Variants in ARFGEF1 observed in about 807,000 individuals in gnomAD.
The protein encoded by ARFGEF1 is brefeldin A-inhibited guanine nucleotide-exchange protein 1.
In ARFGEF1, 42 loss-of-function variants were observed where a neutral mutation model predicts 231.0. That is an observed-to-expected ratio of 0.18 (90% CI 0.14 to 0.24). The LOEUF (loss-of-function observed/expected upper bound fraction) is 0.24, where lower values mean the gene tolerates loss of function less well. Among genes scored for constraint, ARFGEF1 ranks in the 10% least tolerant of loss-of-function variants. ARFGEF1 has a pLI of 1.00. For missense variants in ARFGEF1, 1,345 were observed against 2,192.0 expected (o/e 0.61, Z 7.72); for synonymous variants, 710 against 732.3 (o/e 0.97, Z 0.49).
chr8:67,277,335 A>G lies in ARFGEF1; in HGVS notation c.1150T>C (p.Tyr384His). 6.2e-7 allele frequency: 1 copy of G among 1,613,720 alleles called. No homozygotes were observed. The highest frequency in any genetic ancestry group is 8.5e-7 in the Non-Finnish European group (1 of 1,179,790). ...GIPGTPISVA[Y>H]TPSLPDDRLS... is the part of the protein sequence containing the mutation. ...CTATCATCAGGTAAGGATGGTGTAT[A>G]TGCAACAGAAATTGGTGTTCCTGGA... is the stretch of plus-strand genomic sequence containing the variant. The change falls in exon 8 of 39, where the codon TAT becomes CAT. Residue 384 changes from tyrosine to histidine, a missense_variant. This residue lies in a region of ARFGEF1 where 398 missense variants were observed against 463.2 expected (regional missense o/e 0.86). Transcript: ENST00000262215.
chr8:67,184,956 A>G (rs1204822034), intron 5 of ARFGEF1, among the ~76,000 whole-genome samples: 3 of 124,574 alleles, frequency 2.4e-5, no homozygotes, highest in Admixed American at 7.8e-5. Context: ...AAAAAAAAAA[A>G]AAAAAAAAAA....
At chr8:67,219,895 C>T (rs889840846) in intron 29 of ARFGEF1, among the ~76,000 whole-genome samples, 5 of 152,084 alleles carry the variant, frequency 3.3e-5, no homozygotes, top group African/African-American at 1.2e-4. Context: ...AATTTTGTGG[C>T]ACTGTAGCCA....
intron 1 of ARFGEF1, among the ~76,000 whole-genome samples, chr8:67,311,360 T>C (rs1271347697): frequency 1.8e-4 from 18 of 100,296 alleles, no homozygotes; most frequent in East Asian, 3.5e-4. Flanking sequence ...CGGCCGCCCC[T>C]ACTGGGAAGT....
At chr8:67,184,972 T>C (rs1003697498) in intron 5 of ARFGEF1, among the ~76,000 whole-genome samples, 3 of 130,810 alleles carry the variant, frequency 2.3e-5, no homozygotes, top group Non-Finnish European at 3.3e-5. Context: ...AAAAAGGTGG[T>C]GGGCACCTAT....
intron 19 of ARFGEF1, among the ~76,000 whole-genome samples, chr8:67,248,566 C>A (rs1437555867): frequency 2.0e-5 from 3 of 150,460 alleles, no homozygotes; most frequent in African/African-American, 5.0e-5. Flanking sequence ...TTCTCTAGGA[C>A]ATTAAGCTGG....
chr8:67,189,600 G>A (rs143424101), intron 5 of ARFGEF1, among the ~76,000 whole-genome samples: 147 of 152,118 alleles, frequency 9.7e-4, no homozygotes, highest in African/African-American at 3.5e-3. Flanking sequence ...AACAATGATA[G>A]TGTTGTATAA....
intron 1 of ARFGEF1, among the ~76,000 whole-genome samples, chr8:67,330,291 A>T (rs937863281): frequency 1.3e-5 from 2 of 152,110 alleles, no homozygotes; most frequent in African/African-American, 4.8e-5. Flanking sequence ...ATACAAGTTT[A>T]AGAGAGTATA....
intron 1 of ARFGEF1, among the ~76,000 whole-genome samples, chr8:67,316,513 T>C (rs1587301350): frequency 6.6e-6 from 1 of 151,666 alleles, no homozygotes. Flanking sequence ...CAGGCTGGAG[T>C]GCAGTGGCGC....
intron 9 of ARFGEF1, 68 bp downstream of exon 9, chr8:67,275,908 C>G: frequency 6.3e-7 from 1 of 1,577,644 alleles, no homozygotes; most frequent in Non-Finnish European, 8.6e-7. Context: ...AAAATCCAAA[C>G]ATTACCTTAA....
intron 1 of ARFGEF1, among the ~76,000 whole-genome samples, chr8:67,319,158 T>C (rs531525684): frequency 6.6e-6 from 1 of 152,330 alleles, no homozygotes; most frequent in Admixed American, 6.5e-5. Context: ...TCCCCAAAAT[T>C]ATCTGCAGAT....
chr8:67,257,282 T>C (rs1215185924), intron 17 of ARFGEF1, among the ~76,000 whole-genome samples: 1 of 152,172 alleles, frequency 6.6e-6, no homozygotes, highest in African/African-American at 2.4e-5. Context: ...GGTTTCATCA[T>C]GTTGCCCAGG....
At chr8:67,225,619 C>T (rs1299328724) in intron 28 of ARFGEF1, among the ~76,000 whole-genome samples, 1 of 152,112 alleles carries the variant, frequency 6.6e-6, no homozygotes, top group Non-Finnish European at 1.5e-5. Flanking sequence ...TATTACACAG[C>T]ACAGACAGAC....
chr8:67,287,319 CCTGGTAAACA>C (rs1263605950), intron 7 of ARFGEF1, among the ~76,000 whole-genome samples: 1 of 151,888 alleles, frequency 6.6e-6, no homozygotes, highest in Non-Finnish European at 1.5e-5. Flanking sequence ...AATGAGCTTC[CCTGGTAAACA>C]CTTCACAAGT....
At chr8:67,220,184 G>A (rs924171259) in intron 29 of ARFGEF1, among the ~76,000 whole-genome samples, 5 of 152,182 alleles carry the variant, frequency 3.3e-5, no homozygotes, top group African/African-American at 1.2e-4. Context: ...AGATGGACTA[G>A]CTTTTGAGTA....
At chr8:67,203,355 A>G in intron 35 of ARFGEF1, 104 bp from the exon 36 acceptor site, 1 of 1,315,288 alleles carries the variant, frequency 7.6e-7, no homozygotes, top group Non-Finnish European at 1.1e-6. Context: ...AAAGCCACAG[A>G]TACTCAGCTT....
At chr8:67,341,930 G>A (rs1410775295) in intron 1 of ARFGEF1, among the ~76,000 whole-genome samples, 2 of 151,440 alleles carry the variant, frequency 1.3e-5, no homozygotes, top group African/African-American at 4.9e-5. Flanking sequence ...TTTCTTCGAC[G>A]TTTTTCATAT....
At chr8:67,235,982 C>T (rs1011345268) in intron 22 of ARFGEF1, among the ~76,000 whole-genome samples, 3 of 151,668 alleles carry the variant, frequency 2.0e-5, no homozygotes, top group African/African-American at 4.8e-5. Flanking sequence ...GGAATACTCA[C>T]GGCAGAGATA....
intron 5 of ARFGEF1, among the ~76,000 whole-genome samples, chr8:67,293,020 G>C (rs1444443347): frequency 1.3e-5 from 2 of 152,070 alleles, no homozygotes; most frequent in African/African-American, 4.8e-5. Context: ...GCTTTGTAAG[G>C]AGTTTTATTT....
chr8:67,278,109 C>CA (rs1369486949), intron 7 of ARFGEF1, among the ~76,000 whole-genome samples: 1 of 152,052 alleles, frequency 6.6e-6, no homozygotes, highest in East Asian at 1.9e-4. Flanking sequence ...GTAGAACAAA[C>CA]AGAGATAATG....
Sources: gnomAD v4.1 joint callset for allele counts (sites outside exome capture counted in the v4.1 genomes callset) on GRCh38, gnomAD v4.1.1 for gene constraint, gnomAD v4.1.1 regional missense constraint, MANE v1.5 for transcripts, NCBI Gene and HGNC (gene_info 2026-07-23, HGNC 2026-07-21) for gene names.